The following ZNF560 variants were observed in gnomAD, a reference collection of about 807,000 sequenced individuals.
The protein encoded by ZNF560 is zinc finger protein 560.
A neutral mutation model predicts 81.8 loss-of-function variants in ZNF560; 54 were observed. The ratio of observed to expected loss-of-function variants is 0.66; its 90% CI spans 0.53 to 0.83. The LOEUF (loss-of-function observed/expected upper bound fraction) is 0.83. Ranked by LOEUF, ZNF560 falls within the 40% of genes least tolerant of loss-of-function variation. ZNF560 has a pLI of 0.00. For missense variants in ZNF560, 940 were observed against 932.4 expected (o/e 1.01, Z -0.11); for synonymous variants, 321 against 317.9 (o/e 1.01, Z -0.10).
chr19:9,460,154 C>T, the ZNF560 span, among the ~76,000 whole-genome samples: 351 of 152,204 alleles, frequency 2.3e-3, 1 homozygote, highest in African/African-American at 7.8e-3. Context: ...AGCCAGATAA[C>T]GAGGAAGAGG....
chr19:9,476,999 GA>G, intron 2 of ZNF560, among the ~76,000 whole-genome samples: 1 of 152,080 alleles, frequency 6.6e-6, no homozygotes, highest in East Asian at 1.9e-4. Flanking sequence ...AGAGTATCTG[GA>G]CTCATGTAGA....
intron 5 of ZNF560, among the ~76,000 whole-genome samples, chr19:9,472,103 C>A (rs1246684524): frequency 1.6e-5 from 2 of 121,918 alleles, no homozygotes; most frequent in African/African-American, 5.9e-5. Context: ...GAGTGAGACT[C>A]CGTCTCAAAA....
chr19:9,465,718 C>T (rs958285495), downstream of ZNF560, among the ~76,000 whole-genome samples: 33 of 152,142 alleles, frequency 2.2e-4, no homozygotes, highest in African/African-American at 7.7e-4. Flanking sequence ...CTTGGCCAGG[C>T]GCGATGGCTC....
rs2073052397 is a variant in ZNF560, at chr19:9,467,754, T to C, written c.1193A>G (p.His398Arg). The change falls in exon 10 of 10, where the codon CAC (histidine) becomes CGC (arginine). Residue 398 changes from histidine (H) to arginine (R), a missense_variant. By Grantham distance (29) the His-to-Arg change is conservative (BLOSUM62 0). Transcript: ENST00000301480. The part of the protein sequence containing the change: ...PSGFLEHVRT[H>R]TGEKPYGCKE... ...ACACCCATAGGGCTTCTCTCCAGTG[T>C]GAGTTCGTACATGTTCAAGAAAGCC... 1 of 1,614,076 alleles carries C rather than the reference T, an allele frequency of 6.2e-7. No homozygotes were observed. The highest frequency in any genetic ancestry group is 8.5e-7 in the Non-Finnish European group (1 of 1,180,038).
chr19:9,451,279 C>A, the ZNF560 span, among the ~76,000 whole-genome samples: 1 of 152,108 alleles, frequency 6.6e-6, no homozygotes, highest in Non-Finnish European at 1.5e-5. Context: ...AAAACAGACA[C>A]ATACACCAAT....
intron 2 of ZNF560, among the ~76,000 whole-genome samples, 166 bp from the exon 3 acceptor site, chr19:9,475,535 G>T (rs1490062428): frequency 1.3e-5 from 2 of 151,550 alleles, no homozygotes; most frequent in African/African-American, 2.4e-5. Flanking sequence ...CTAACCTAGA[G>T]CAAGAAAAAG....
chr19:9,466,692 G>A lies in ZNF560; in HGVS notation c.2255C>T (p.Ser752Phe), dbSNP rs74178149. Reference sequence around the variant, plus strand: ...TCTTAAATGTTGAATACGTCCTGAGGATGTACGGAAGGCCTTCCCACATTC... The same window carrying A: ...TCTTAAATGTTGAATACGTCCTGAGAATGTACGGAAGGCCTTCCCACATTC... ...CKECGKAFRT[S>F]SGRIQHLRTH... is the part of the protein sequence containing the mutation. The change falls in exon 10 of 10, where the codon TCC (serine) becomes TTC (phenylalanine). Residue 752 changes from serine to phenylalanine, a missense_variant. Coordinates refer to ENST00000301480, the MANE Select transcript of ZNF560 (RefSeq NM_152476.3). 3 of 1,614,056 alleles carry A rather than the reference G, an allele frequency of 1.9e-6. No individual in the cohort carries two copies. Among genetic ancestry groups the A allele is most frequent in the Non-Finnish European group, 2.5e-6 (3 of 1,179,978 alleles).
intron 2 of ZNF560, among the ~76,000 whole-genome samples, chr19:9,487,330 C>A (rs892468987): frequency 1.3e-5 from 2 of 152,184 alleles, no homozygotes; most frequent in African/African-American, 4.8e-5. Context: ...ACTTATATGG[C>A]CAATCAGCAA....
chr19:9,475,829 A>G (rs2073193156), intron 2 of ZNF560, among the ~76,000 whole-genome samples: 4 of 152,090 alleles, frequency 2.6e-5, no homozygotes, highest in Admixed American at 2.6e-4. Context: ...GATGTTCTCC[A>G]TCTCCTGACC....
chr19:9,500,394 C>CAAAAAA (rs767714516), upstream of ZNF560, among the ~76,000 whole-genome samples: 1 of 82,662 alleles, frequency 1.2e-5, no homozygotes, highest in Non-Finnish European at 2.2e-5. Flanking sequence ...AACTTCATCT[C>CAAAAAA]AAAAAAAAAA....
chr19:9,485,356 A>G (rs1027704452), intron 2 of ZNF560, among the ~76,000 whole-genome samples: 2 of 152,074 alleles, frequency 1.3e-5, no homozygotes, highest in African/African-American at 4.8e-5. Context: ...CCTGGAATGC[A>G]CGGATGGTTC....
intron 9 of ZNF560, 109 bp downstream of exon 9, chr19:9,468,996 G>A (rs138932433): frequency 0.057 from 47,128 of 822,048 alleles, 1,630 homozygotes; most frequent in Middle Eastern, 0.094. Context: ...CCAAAGTGCT[G>A]GGATTAGAGG....
At chr19:9,481,583 AT>A (rs1263358595) in intron 2 of ZNF560, among the ~76,000 whole-genome samples, 1 of 152,210 alleles carries the variant, frequency 6.6e-6, no homozygotes, top group Non-Finnish European at 1.5e-5. Flanking sequence ...CAAGAAAAAA[AT>A]CAAACCACCC....
At position 9,466,441 on chromosome 19, in the gene ZNF560, T is replaced by G; in HGVS notation, c.*133A>C. 1 of 784,968 alleles carries G rather than the reference T, an allele frequency of 1.3e-6. No individual in the cohort carries two copies. Among genetic ancestry groups the G allele is most frequent in the Non-Finnish European group, 2.0e-6 (1 of 495,638 alleles). The allele number at this position is 784,968 out of a possible 1,614,324, so 48.6% of individuals were successfully genotyped here. A position where few individuals can be genotyped will look rare whatever the true frequency, so the allele number is the denominator to read the frequency against. On this transcript the variant is annotated 3_prime_UTR_variant, in exon 10 of 10. Coordinates refer to ENST00000301480, the MANE Select transcript of ZNF560 (RefSeq NM_152476.3). Reference sequence around the variant, plus strand: ...GTGAGTTTGTACATATCTAGAAAGATTCAACTGTTCAGGCTTTCTCACATT... The same window carrying G: ...GTGAGTTTGTACATATCTAGAAAGAGTCAACTGTTCAGGCTTTCTCACATT...
chr19:9,502,300 C>A (rs2073639721), upstream of ZNF560, among the ~76,000 whole-genome samples: 2 of 152,194 alleles, frequency 1.3e-5, no homozygotes, highest in African/African-American at 2.4e-5. Context: ...CAACTTCCAC[C>A]TCCCAGGTTC....
At chr19:9,459,853 C>G in the ZNF560 span, among the ~76,000 whole-genome samples, 2 of 151,912 alleles carry the variant, frequency 1.3e-5, no homozygotes, top group Admixed American at 1.3e-4. Context: ...AGCGGGGCAG[C>G]CTTCCATCCT....
intron 5 of ZNF560, 21 bp from the exon 6 acceptor site, chr19:9,471,399 G>C: frequency 6.8e-7 from 1 of 1,461,030 alleles, no homozygotes; most frequent in Non-Finnish European, 9.1e-7. Flanking sequence ...AACATAAACT[G>C]AGGTTTTTTT....
At chr19:9,454,009 C>T in the ZNF560 span, among the ~76,000 whole-genome samples, 1 of 152,212 alleles carries the variant, frequency 6.6e-6, no homozygotes, top group Non-Finnish European at 1.5e-5. Flanking sequence ...ATGATGCACA[C>T]ACTGGAGGTT....
At chr19:9,455,525 G>C in the ZNF560 span, among the ~76,000 whole-genome samples, 1 of 152,180 alleles carries the variant, frequency 6.6e-6, no homozygotes, top group African/African-American at 2.4e-5. Flanking sequence ...GCTTAGAGGA[G>C]TGTGCATTAG....
Sources: allele counts gnomAD v4.1 joint callset (sites outside exome capture counted in the v4.1 genomes callset), GRCh38; gene constraint gnomAD v4.1.1; transcripts MANE v1.5; gene names NCBI Gene and HGNC (gene_info 2026-07-23, HGNC 2026-07-21).